The following STK38L variants were observed in gnomAD, a reference collection of about 807,000 sequenced individuals.
The protein encoded by STK38L is serine/threonine kinase 38 like, also known as serine/threonine-protein kinase 38-like.
In STK38L, 28 loss-of-function variants were observed where a neutral mutation model predicts 59.7. That is an observed-to-expected ratio of 0.47 (90% CI 0.35 to 0.64). The LOEUF is 0.64. STK38L is among the 30% of genes least tolerant of loss of function. The pLI, the probability that STK38L is intolerant of heterozygous loss-of-function variation, is 0.01. For synonymous variants in STK38L, 162 were observed against 176.8 expected (o/e 0.92, Z 0.66); for missense variants, 314 against 555.8 (o/e 0.56, Z 4.37).
At chr12:27,271,617 T>C (rs1943424855) in intron 1 of STK38L, among the ~76,000 whole-genome samples, 1 of 152,276 alleles carries the variant, frequency 6.6e-6, no homozygotes, top group African/African-American at 2.4e-5. Context: ...TACTGTGCAG[T>C]TGAGATAGAG....
intron 1 of STK38L, among the ~76,000 whole-genome samples, chr12:27,251,855 G>T (rs1483721507): frequency 1.3e-5 from 2 of 152,138 alleles, no homozygotes; most frequent in Non-Finnish European, 2.9e-5. Flanking sequence ...ATCTCATTGT[G>T]CACTCAATTG....
At chr12:27,285,606 AG>A (rs150099713) in intron 1 of STK38L, among the ~76,000 whole-genome samples, 1,927 of 152,254 alleles carry the variant, frequency 0.013, 51 homozygotes, top group African/African-American at 0.044. Context: ...TCCCTTTGCC[AG>A]GGTGTCCCTG....
chr12:27,278,399 GGCTAATTGTTTATAT>G (rs774314094), intron 1 of STK38L, among the ~76,000 whole-genome samples: 20 of 152,144 alleles, frequency 1.3e-4, no homozygotes, highest in Non-Finnish European at 2.6e-4. Context: ...GGTCCACCCA[GGCTAATTGTTTATAT>G]GCTAATTGTT....
At chr12:27,290,192 T>C (rs1260835487) in intron 1 of STK38L, among the ~76,000 whole-genome samples, 3 of 152,366 alleles carry the variant, frequency 2.0e-5, no homozygotes, top group East Asian at 1.9e-4. Flanking sequence ...TCTTATATTA[T>C]CATAATAAGC....
chr12:27,253,510 G>C (rs1372242170), intron 1 of STK38L, among the ~76,000 whole-genome samples: 1 of 152,218 alleles, frequency 6.6e-6, no homozygotes, highest in Non-Finnish European at 1.5e-5. Context: ...CCGTGTGCCA[G>C]GAGATATGGA....
Position 27,309,098 on chromosome 12 carries a change from GT to G in STK38L, c.310-10del, listed in dbSNP as rs1389034013. 1.1e-5 allele frequency: 17 copies of G among 1,551,792 alleles called. No individual in the cohort carries two copies. The highest frequency in any genetic ancestry group is 1.5e-5 in the Non-Finnish European group (17 of 1,149,976). On this transcript the variant is annotated splice_polypyrimidine_tract_variant and intron_variant, in intron 4 of 13. Transcript: ENST00000389032. ...TAGTAGTGACTGTTTTATAATATATGTTTTTTATCTTTTAGGTGCGGTTGGT... is the reference window on the plus strand; with the variant it reads ...TAGTAGTGACTGTTTTATAATATATGTTTTTATCTTTTAGGTGCGGTTGGT...
At chr12:27,291,457 A>G (rs1943894184) in intron 1 of STK38L, among the ~76,000 whole-genome samples, 2 of 152,046 alleles carry the variant, frequency 1.3e-5, no homozygotes, top group African/African-American at 4.8e-5. Flanking sequence ...ATTTCTCCCT[A>G]CTTTGTGTCT....
chr12:27,312,759 T>C lies in STK38L; in HGVS notation c.517+87T>C, dbSNP rs1591936433. The C allele has an allele frequency of 1.2e-5, 18 of 1,509,302 alleles. No individual in the cohort carries two copies. The East Asian group carries it at 4.1e-4, about 34-fold the overall frequency. The allele number at this position is 1,509,302 out of a possible 1,614,324, so 93.5% of individuals were successfully genotyped here. On this transcript the variant is annotated intron_variant, in intron 6 of 13. Transcript: ENST00000389032. ...ATTTTATTGGTGAGGTTTACTTTTA[T>C]ATTCTTTGCTCTGAGGCTTTACATA...
At chr12:27,246,593 T>C (rs1373289767) in intron 1 of STK38L, among the ~76,000 whole-genome samples, 2 of 152,282 alleles carry the variant, frequency 1.3e-5, no homozygotes, top group East Asian at 3.9e-4. Context: ...TTGAATGAAA[T>C]AATGAAAGCA....
chr12:27,302,103 T>C (rs1337829193), intron 2 of STK38L, 34 bp from the exon 3 acceptor site: 1 of 1,533,550 alleles, frequency 6.5e-7, no homozygotes, highest in Non-Finnish European at 9.0e-7. Context: ...GTTAGGAATG[T>C]ATTTAAAATT....
chr12:27,249,336 T>A (rs928727959), intron 1 of STK38L, among the ~76,000 whole-genome samples: 3 of 146,278 alleles, frequency 2.1e-5, no homozygotes, highest in Non-Finnish European at 4.4e-5. Context: ...TAGCTTTTAT[T>A]TATTTATTTA....
At chr12:27,287,830 C>G (rs564925599) in intron 1 of STK38L, among the ~76,000 whole-genome samples, 5 of 152,198 alleles carry the variant, frequency 3.3e-5, no homozygotes, top group African/African-American at 1.2e-4. Context: ...TCTCCTCTTC[C>G]CATAATCTAT....
At position 27,244,318 on chromosome 12, in the gene STK38L, C is replaced by G. The variant is rs907980942; in HGVS notation, c.-26C>G. 1 of 152,258 alleles carries G rather than the reference C, an allele frequency of 6.6e-6. No homozygotes were observed. The highest frequency in any genetic ancestry group is 6.5e-5 in the Admixed American group (1 of 15,276). The allele number at this position is 152,258 out of a possible 1,614,324, so 9.4% of individuals were successfully genotyped here. On this transcript the variant is annotated 5_prime_UTR_variant, in exon 1 of 14. Transcript: ENST00000389032. ...GTGCGGAGGCTGAGCCGGCCGCGGG[C>G]GCGACCGGAGGCAGGTGAGTTCGCG...
chr12:27,319,745 A>G (rs1944678063), intron 12 of STK38L, among the ~76,000 whole-genome samples: 1 of 152,250 alleles, frequency 6.6e-6, no homozygotes, highest in Admixed American at 6.5e-5. Flanking sequence ...TCCTTGCTGT[A>G]ATATACCACA....
intron 1 of STK38L, among the ~76,000 whole-genome samples, chr12:27,270,839 G>A (rs991715974): frequency 1.3e-5 from 2 of 152,126 alleles, no homozygotes; most frequent in Non-Finnish European, 2.9e-5. Context: ...GATTTTAGTT[G>A]AATCTTTATG....
At chr12:27,301,402 G>T (rs1010926350) in intron 2 of STK38L, among the ~76,000 whole-genome samples, 1 of 152,154 alleles carries the variant, frequency 6.6e-6, no homozygotes, top group Admixed American at 6.5e-5. Flanking sequence ...GGGACTACAG[G>T]CGCCAGCCAC....
intron 1 of STK38L, among the ~76,000 whole-genome samples, chr12:27,256,937 A>G (rs537511200): frequency 3.3e-5 from 5 of 152,194 alleles, no homozygotes; most frequent in Non-Finnish European, 7.3e-5. Context: ...TAGAATTGTC[A>G]TAAAGGAACA....
intron 1 of STK38L, among the ~76,000 whole-genome samples, chr12:27,278,061 C>T (rs1446999813): frequency 6.6e-6 from 1 of 152,182 alleles, no homozygotes; most frequent in Non-Finnish European, 1.5e-5. Context: ...AGCCACAAAG[C>T]ATGGGGATTT....
At chr12:27,302,669 T>C (rs1192166422) in intron 3 of STK38L, among the ~76,000 whole-genome samples, 1 of 152,122 alleles carries the variant, frequency 6.6e-6, no homozygotes, top group Non-Finnish European at 1.5e-5. Context: ...TCTTACTCTT[T>C]TGCTTAATAA....
Sources: allele counts gnomAD v4.1 joint callset (sites outside exome capture counted in the v4.1 genomes callset), GRCh38; gene constraint gnomAD v4.1.1; transcripts MANE v1.5; gene names NCBI Gene and HGNC (gene_info 2026-07-23, HGNC 2026-07-21).